RORA: variants seen among roughly 807,000 people sequenced by gnomAD.
RORA encodes the protein nuclear receptor ROR-alpha.
In RORA, 7 loss-of-function variants were observed where a neutral mutation model predicts 69.5. The ratio of observed to expected loss-of-function variants is 0.10; its 90% confidence interval spans 0.06 to 0.19. RORA has a LOEUF of 0.19. Among genes scored for constraint, RORA ranks in the 10% least tolerant of loss-of-function variants. The probability of loss-of-function intolerance (pLI) is 1.00; values close to 1 mark genes in which losing one functional copy is unlikely to be tolerated. For missense variants in RORA, 457 were observed against 663.0 expected (o/e 0.69, Z 3.41); for synonymous variants, 261 against 240.8 (o/e 1.08, Z -0.78).
At position 60,505,643 on chromosome 15, in the gene RORA, G is replaced by A. The variant is rs765649085; in HGVS notation, c.821-14C>T. 3.7e-6 allele frequency: 6 copies of A among 1,610,744 alleles called. No individual in the cohort carries two copies. Among genetic ancestry groups the A allele is most frequent in the African/African-American group, 1.3e-5 (1 of 74,808 alleles). On this transcript the variant is annotated splice_polypyrimidine_tract_variant and intron_variant, in intron 5 of 10. Coordinates refer to ENST00000335670, the MANE Select transcript of RORA (RefSeq NM_134261.3). ...GTGCAAGGTGTTCTAAGGAGAAAAC[G>A]GGAGATCACAAACACGAAAAGCGAA...
chr15:60,828,815 T>G (rs1343832338), intron 1 of RORA, among the ~76,000 whole-genome samples: 1 of 152,194 alleles, frequency 6.6e-6, no homozygotes, highest in Non-Finnish European at 1.5e-5. Context: ...ACAACGGCTC[T>G]CCACCAGTAG....
chr15:60,594,457 G>T (rs1280464887), intron 2 of RORA, among the ~76,000 whole-genome samples: 1 of 152,222 alleles, frequency 6.6e-6, no homozygotes, highest in Non-Finnish European at 1.5e-5. Context: ...TCGGAAGTAT[G>T]TTCTTCCCTA....
At chr15:60,655,914 T>C (rs935379816) in intron 2 of RORA, among the ~76,000 whole-genome samples, 4 of 152,230 alleles carry the variant, frequency 2.6e-5, no homozygotes, top group Admixed American at 6.5e-5. Flanking sequence ...TGCTAGCTGA[T>C]TAAAGAATAA....
At chr15:61,057,154 G>A (rs1168147895) in intron 1 of RORA, among the ~76,000 whole-genome samples, 2 of 152,162 alleles carry the variant, frequency 1.3e-5, no homozygotes, top group Non-Finnish European at 2.9e-5. Flanking sequence ...CTCGACAGGC[G>A]AAGGGAGAGA....
In RORA at chr15:61,082,855, G is replaced by C. The variant is rs569750122; in HGVS notation, c.166+146198C>G. On this transcript the variant is annotated intron_variant, in intron 1 of 10. Coordinates refer to ENST00000335670, the MANE Select transcript of RORA (RefSeq NM_134261.3). The stretch of plus-strand genomic sequence containing the variant: ...AAAATACGAATAATTGATTTGATCT[G>C]TTTAATACTGAGAAAGAATTGGAGA... Among the ~76,000 whole-genome samples, 7 of 152,278 alleles carry C rather than the reference G, an allele frequency of 4.6e-5. No homozygotes were observed. In the East Asian group the frequency reaches 1.3e-3, roughly 29 times the overall value.
chr15:60,979,477 A>G (rs1893975327), intron 1 of RORA, among the ~76,000 whole-genome samples: 2 of 152,030 alleles, frequency 1.3e-5, no homozygotes, highest in African/African-American at 2.4e-5. Context: ...AAGTCTTCCA[A>G]TCCATAAACA....
At chr15:60,792,474 A>G (rs2072431718) in intron 1 of RORA, among the ~76,000 whole-genome samples, 1 of 152,198 alleles carries the variant, frequency 6.6e-6, no homozygotes. Flanking sequence ...ATCCTAAGCA[A>G]GACAAATACA....
chr15:60,873,459 G>A (rs2073581490), intron 1 of RORA, among the ~76,000 whole-genome samples: 1 of 152,088 alleles, frequency 6.6e-6, no homozygotes, highest in Non-Finnish European at 1.5e-5. Flanking sequence ...CATGTTAAAA[G>A]TTACTTCTAT....
intron 1 of RORA, among the ~76,000 whole-genome samples, chr15:60,739,934 G>A (rs891555458): frequency 6.6e-6 from 1 of 152,156 alleles, no homozygotes; most frequent in Non-Finnish European, 1.5e-5. Context: ...TTGCCCCTGG[G>A]TCTTAACTGA....
intron 1 of RORA, among the ~76,000 whole-genome samples, chr15:61,164,585 A>G (rs2079525320): frequency 6.6e-6 from 1 of 152,146 alleles, no homozygotes; most frequent in African/African-American, 2.4e-5. Flanking sequence ...TGGGTAGATC[A>G]TATGAGCTCT....
intron 2 of RORA, among the ~76,000 whole-genome samples, chr15:60,659,684 T>A (rs1317435648): frequency 6.6e-6 from 1 of 152,078 alleles, no homozygotes; most frequent in Admixed American, 6.6e-5. Context: ...CCCAAAGTGA[T>A]CAAACCCCAA....
chr15:60,862,973 T>C (rs2073449187), intron 1 of RORA, among the ~76,000 whole-genome samples: 1 of 152,230 alleles, frequency 6.6e-6, no homozygotes. Flanking sequence ...TCCAACTGTG[T>C]GGTTCTCCCT....
chr15:60,774,097 G>A (rs755000205), intron 1 of RORA, among the ~76,000 whole-genome samples: 12 of 152,284 alleles, frequency 7.9e-5, no homozygotes, highest in Admixed American at 5.2e-4. Context: ...ACAACAGTAC[G>A]TGCCTTTGGC....
chr15:61,187,849 C>G (rs903210764), intron 1 of RORA, among the ~76,000 whole-genome samples: 1 of 152,158 alleles, frequency 6.6e-6, no homozygotes, highest in African/African-American at 2.4e-5. Context: ...GAAGACAGAA[C>G]TGCCCAGTGC....
At position 61,126,479 on chromosome 15, in the gene RORA, A is replaced by G. The variant is rs142087653; in HGVS notation, c.166+102574T>C. Among the ~76,000 whole-genome samples the G allele has an allele frequency of 1.5e-3, 232 of 152,352 alleles. 2 individuals are homozygous for G. The highest frequency in any genetic ancestry group is 5.4e-3 in the African/African-American group (225 of 41,576). On this transcript the variant is annotated intron_variant, in intron 1 of 10. Coordinates refer to ENST00000335670, the MANE Select transcript of RORA (RefSeq NM_134261.3). Reference sequence around the variant, plus strand: ...ACTTATTCATCCTAACTAAAATTCTATACCCTTTGACCAACATCACTTCAT... The same window carrying G: ...ACTTATTCATCCTAACTAAAATTCTGTACCCTTTGACCAACATCACTTCAT...
intron 1 of RORA, chr15:60,848,857 C>G (rs1453949471): frequency 6.6e-6 from 1 of 152,196 alleles, no homozygotes; most frequent in Non-Finnish European, 1.5e-5. Flanking sequence ...TCCCACTAGG[C>G]CCCTACTCCA....
chr15:61,135,146 T>TAAA (rs59644906), intron 1 of RORA, among the ~76,000 whole-genome samples: 23 of 56,454 alleles, frequency 4.1e-4, no homozygotes, highest in African/African-American at 5.1e-4. Context: ...CATCTCTTAC[T>TAAA]AAAAAAAAAA....
At chr15:61,039,087 T>C (rs1896604418) in intron 1 of RORA, 1 of 152,228 alleles carries the variant, frequency 6.6e-6, no homozygotes, top group African/African-American at 2.4e-5. Context: ...CTCTTGCTGT[T>C]TGGGGTTAGC....
intron 1 of RORA, among the ~76,000 whole-genome samples, chr15:60,822,097 A>T (rs1443501591): frequency 6.6e-6 from 1 of 152,240 alleles, no homozygotes; most frequent in Non-Finnish European, 1.5e-5. Context: ...GGTGAGAGCA[A>T]TGAAACAAGG....
Sources: allele counts gnomAD v4.1 joint callset (sites outside exome capture counted in the v4.1 genomes callset), GRCh38; gene constraint gnomAD v4.1.1; transcripts MANE v1.5; gene names NCBI Gene and HGNC (gene_info 2026-07-23, HGNC 2026-07-21).